FKBP3: variants seen among roughly 807,000 people sequenced by gnomAD.
FKBP3 encodes the protein peptidyl-prolyl cis-trans isomerase FKBP3.
FKBP3 carries 21 observed loss-of-function variants against 30.6 expected under a neutral mutation model. That is an observed-to-expected ratio of 0.69 (90% CI 0.49 to 0.99). The LOEUF is 0.99. FKBP3 is among the 50% of genes least tolerant of loss of function. FKBP3 has a pLI of 0.00. For synonymous variants in FKBP3, 82 were observed against 91.3 expected, an observed-to-expected ratio of 0.90 and a Z score of 0.58; for missense variants, 283 against 261.6, an observed-to-expected ratio of 1.08 and a Z score of -0.56.
intron 4 of FKBP3, 125 bp downstream of exon 4, chr14:45,121,360 G>C: frequency 1.4e-6 from 1 of 732,690 alleles, no homozygotes; most frequent in Non-Finnish European, 2.2e-6. Flanking sequence ...GATCTTGGGG[G>C]AAAGTATGTC....
intron 5 of FKBP3, 47 bp from the exon 6 acceptor site, chr14:45,118,172 A>C (rs752375925): frequency 1.8e-6 from 2 of 1,117,746 alleles, no homozygotes; most frequent in South Asian, 2.6e-5. Context: ...TGCAAAAAGC[A>C]CATGCAATAC....
At chr14:45,127,468 T>G (rs949333204) in intron 3 of FKBP3, among the ~76,000 whole-genome samples, 2 of 151,990 alleles carry the variant, frequency 1.3e-5, no homozygotes, top group Non-Finnish European at 2.9e-5. Flanking sequence ...AAATGAAAAA[T>G]TTTCTTATTT....
chr14:45,123,440 A>G (rs748494561), intron 3 of FKBP3, among the ~76,000 whole-genome samples: 12 of 151,282 alleles, frequency 7.9e-5, no homozygotes, highest in African/African-American at 2.4e-4. Flanking sequence ...GTTCCAGCCA[A>G]CGCCTCAAGA....
intron 3 of FKBP3, among the ~76,000 whole-genome samples, chr14:45,124,629 T>TGA (rs1885059057): frequency 6.6e-6 from 1 of 151,830 alleles, no homozygotes; most frequent in Non-Finnish European, 1.5e-5. Flanking sequence ...TGTAAAATAC[T>TGA]GAGATATTTT....
chr14:45,134,426 T>C lies in FKBP3; in HGVS notation c.31A>G (p.Thr11Ala). ...TGCTCACTGCGCAGCTGCTCCACGGTCCACGCCCGCTGTGGAACGGCCGCC... is the reference window on the plus strand; with the variant it reads ...TGCTCACTGCGCAGCTGCTCCACGGCCCACGCCCGCTGTGGAACGGCCGCC... MAAAVPQRAW[T>A]VEQLRSEQLP... Residue 11 changes from threonine (T) to alanine (A), a missense_variant, in exon 1 of 7, where the codon ACC becomes GCC. Coordinates refer to ENST00000396062, the MANE Select transcript of FKBP3 (RefSeq NM_002013.4). 3 of 1,611,906 alleles carry C rather than the reference T, an allele frequency of 1.9e-6. No homozygotes were observed. The highest frequency in any genetic ancestry group is 2.5e-6 in the Non-Finnish European group (3 of 1,179,130).
In FKBP3 at chr14:45,134,428, CACGCCCGCTGTGGA is replaced by C. The variant is rs1282550575; in HGVS notation, c.15_28del (p.Pro6AspfsTer8). On this transcript the variant is annotated frameshift_variant, in exon 1 of 7. Coordinates refer to ENST00000396062, the MANE Select transcript of FKBP3 (RefSeq NM_002013.4). LOFTEE classifies it high-confidence loss of function. ...CTCACTGCGCAGCTGCTCCACGGTC[CACGCCCGCTGTGGA>C]ACGGCCGCCGCCATCTTCCCCCGCT... 6.2e-7 allele frequency: 1 copy of C among 1,612,532 alleles called. No individual in the cohort carries two copies. The highest frequency in any genetic ancestry group is 1.7e-5 in the Admixed American group (1 of 59,770).
In FKBP3 at chr14:45,116,197, T is replaced by TTCAA. The variant is rs1439222061; in HGVS notation, c.672_675dup. On this transcript the variant is annotated 3_prime_UTR_variant, in exon 7 of 7. Coordinates refer to ENST00000396062, the MANE Select transcript of FKBP3 (RefSeq NM_002013.4). ...ATCCTTAGAGCTGAAGCACTGCTAT[T>TTCAA]TCAATCAATATCCACTAATTCCACT... 1.9e-6 allele frequency: 3 copies of TTCAA among 1,608,742 alleles called. No homozygotes were observed. Among genetic ancestry groups the TTCAA allele is most frequent in the African/African-American group, 2.7e-5 (2 of 74,812 alleles).
intron 4 of FKBP3, 109 bp downstream of exon 4, chr14:45,121,376 G>T (rs1884980784): frequency 2.4e-6 from 2 of 828,122 alleles, no homozygotes; most frequent in Non-Finnish European, 1.9e-6. Flanking sequence ...ATGTCTGGAT[G>T]AAAGTAGGTG....
At chr14:45,121,366 AT>A in intron 4 of FKBP3, 118 bp downstream of exon 4, 1 of 757,758 alleles carries the variant, frequency 1.3e-6, no homozygotes, top group East Asian at 2.6e-5. Flanking sequence ...GGGGGAAAGT[AT>A]GTCTGGATGA....
chr14:45,117,913 T>G (rs1274807404), intron 6 of FKBP3, 115 bp downstream of exon 6: 26 of 732,400 alleles, frequency 3.5e-5, no homozygotes, highest in Non-Finnish European at 5.8e-5. Context: ...GGAAGACTAG[T>G]CTGGACAGGA....
In FKBP3 at chr14:45,134,449, G is replaced by A. The variant is rs776899510; in HGVS notation, c.8C>T (p.Ala3Val). MA[A>V]AVPQRAWTVE... ...GGTCCACGCCCGCTGTGGAACGGCC[G>A]CCGCCATCTTCCCCCGCTGCCTCCG... The change falls in exon 1 of 7, where the codon GCG (alanine) becomes GTG (valine). Residue 3 changes from alanine (A) to valine (V), a missense_variant. By Grantham distance (64) the Ala-to-Val change is moderately conservative (BLOSUM62 0). Transcript: ENST00000396062. 1.9e-6 allele frequency: 3 copies of A among 1,609,074 alleles called. No homozygotes were observed. Among genetic ancestry groups the A allele is most frequent in the Non-Finnish European group, 2.5e-6 (3 of 1,177,594 alleles).
At chr14:45,121,020 G>C in intron 4 of FKBP3, 66 bp from the exon 5 acceptor site, 2 of 1,270,924 alleles carry the variant, frequency 1.6e-6, no homozygotes, top group South Asian at 2.6e-5. Context: ...ATTTCCATTG[G>C]AAATTATTAA....
At chr14:45,120,630 TGTATTAG>T (rs1174056582) in intron 5 of FKBP3, among the ~76,000 whole-genome samples, 2 of 152,350 alleles carry the variant, frequency 1.3e-5, no homozygotes, top group Admixed American at 6.5e-5. Flanking sequence ...AAGCCCCTAC[TGTATTAG>T]GTACTTCAAG....
At position 45,129,831 on chromosome 14, in the gene FKBP3, T is replaced by G; in HGVS notation, c.281A>C (p.Lys94Thr). 6.2e-7 allele frequency: 1 copy of G among 1,613,078 alleles called. No individual in the cohort carries two copies. Among genetic ancestry groups the G allele is most frequent in the Non-Finnish European group, 8.5e-7 (1 of 1,179,464 alleles). The change falls in exon 3 of 7, where the codon AAA becomes ACA. Residue 94 changes from lysine (K) to threonine (T), a missense_variant. Lys to Thr is a moderately conservative substitution (Grantham distance 78). Coordinates refer to ENST00000396062, the MANE Select transcript of FKBP3 (RefSeq NM_002013.4). ...CTCTTCAGACTTGGTTTCTTTGGGT[T>G]TATCTTCATTAAGCTTCACATTTTT... ...QVKNVKLNED[K>T]PKETKSEETL...
chr14:45,123,088 G>A (rs1358027550), intron 3 of FKBP3, among the ~76,000 whole-genome samples: 1 of 151,488 alleles, frequency 6.6e-6, no homozygotes, highest in Non-Finnish European at 1.5e-5. Context: ...AGCTACTCGG[G>A]AGGTAGAGTC....
At position 45,121,535 on chromosome 14, in the gene FKBP3, T is replaced by C; in HGVS notation, c.404A>G (p.Tyr135Cys). The C allele has an allele frequency of 1.9e-6, 3 of 1,613,700 alleles. No individual in the cohort carries two copies. Among genetic ancestry groups the C allele is most frequent in the Non-Finnish European group, 2.5e-6 (3 of 1,179,694 alleles). ...AGTCCCATCTTGTAGTGTTCCTGTA[T>C]ACCAGCAGTGAACAACATCTCCCTT... Reference protein sequence around the residue: ...PKKGDVVHCWYTGTLQDGTVF... With the variant: ...PKKGDVVHCWCTGTLQDGTVF... The change falls in exon 4 of 7, where the codon TAT (tyrosine) becomes TGT (cysteine). Residue 135 changes from tyrosine to cysteine, a missense_variant. By Grantham distance (194) the Tyr-to-Cys change is radical. Coordinates refer to ENST00000396062, the MANE Select transcript of FKBP3 (RefSeq NM_002013.4).
intron 5 of FKBP3, among the ~76,000 whole-genome samples, chr14:45,120,502 A>T (rs1049487100): frequency 6.6e-6 from 1 of 152,222 alleles, no homozygotes; most frequent in African/African-American, 2.4e-5. Context: ...TGTAAATGGT[A>T]CAACAGTTAT....
chr14:45,131,499 G>A (rs1885212922), intron 1 of FKBP3, among the ~76,000 whole-genome samples: 1 of 151,894 alleles, frequency 6.6e-6, no homozygotes, highest in African/African-American at 2.4e-5. Context: ...GGCCATGGTG[G>A]CGCATGCCTG....
In FKBP3 at chr14:45,134,410, C is replaced by A. The variant is rs775623307; in HGVS notation, c.47G>T (p.Arg16Leu). Residue 16 changes from arginine to leucine, a missense_variant, in exon 1 of 7, where the codon CGC becomes CTC. Physicochemically the swap from Arg to Leu is moderately radical, Grantham distance 102 (BLOSUM62 -2). Transcript: ENST00000396062. ...PQRAWTVEQL[R>L]SEQLPKKDII... ...GTCCTTCTTGGGCAGCTGCTCACTG[C>A]GCAGCTGCTCCACGGTCCACGCCCG... The A allele has an allele frequency of 4.3e-6, 7 of 1,613,476 alleles. No individual in the cohort carries two copies. The highest frequency in any genetic ancestry group is 1.1e-5 in the South Asian group (1 of 91,072).
Sources: allele counts gnomAD v4.1 joint callset (sites outside exome capture counted in the v4.1 genomes callset), GRCh38; gene constraint gnomAD v4.1.1; transcripts MANE v1.5; gene names NCBI Gene and HGNC (gene_info 2026-07-23, HGNC 2026-07-21).